The following NLGN1 variants were observed in gnomAD, a reference collection of about 807,000 sequenced individuals.
The protein encoded by NLGN1 is neuroligin-1.
In NLGN1, 12 loss-of-function variants were observed where a neutral mutation model predicts 65.5. The ratio of observed to expected loss-of-function variants is 0.18; its 90% CI spans 0.12 to 0.30. The LOEUF is 0.30. Ranked by LOEUF, NLGN1 falls within the 10% of genes least tolerant of loss-of-function variation. NLGN1 has a pLI of 1.00. For synonymous variants in NLGN1, 350 were observed against 359.5 expected, an observed-to-expected ratio of 0.97 and a Z score of 0.30; for missense variants, 750 against 1,007.1, an observed-to-expected ratio of 0.74 and a Z score of 3.46.
intron 2 of NLGN1, among the ~76,000 whole-genome samples, chr3:173,512,528 C>T (rs1012179729): frequency 1.3e-5 from 2 of 152,152 alleles, no homozygotes; most frequent in Non-Finnish European, 2.9e-5. Context: ...CTAACCTCTG[C>T]CGGCTGAGTC....
chr3:174,272,045 T>C (rs1749498608), intron 4 of NLGN1, among the ~76,000 whole-genome samples: 1 of 151,708 alleles, frequency 6.6e-6, no homozygotes, highest in Non-Finnish European at 1.5e-5. Flanking sequence ...TATGTCAATG[T>C]GTTACAATAA....
chr3:173,792,747 G>A (rs1443513395), intron 3 of NLGN1, among the ~76,000 whole-genome samples: 1 of 152,062 alleles, frequency 6.6e-6, no homozygotes, highest in Non-Finnish European at 1.5e-5. Context: ...ATAGGAATAA[G>A]GAAATAGTAA....
At chr3:173,887,776 A>G (rs1351323447) in intron 4 of NLGN1, among the ~76,000 whole-genome samples, 5 of 151,990 alleles carry the variant, frequency 3.3e-5, no homozygotes, top group Non-Finnish European at 5.9e-5. Flanking sequence ...GATCTTTTCA[A>G]GCATTATCAT....
At chr3:173,488,312 C>A (rs1308017345) in intron 2 of NLGN1, among the ~76,000 whole-genome samples, 1 of 150,998 alleles carries the variant, frequency 6.6e-6, no homozygotes, top group African/African-American at 2.4e-5. Context: ...CTAAAACATA[C>A]TCTTTGTTCA....
At chr3:174,179,179 T>C (rs1729947761) in intron 4 of NLGN1, among the ~76,000 whole-genome samples, 1 of 152,148 alleles carries the variant, frequency 6.6e-6, no homozygotes, top group Non-Finnish European at 1.5e-5. Context: ...AATAGAATAC[T>C]ATTTTAAACT....
chr3:173,705,068 T>C (rs1767845044), intron 3 of NLGN1, among the ~76,000 whole-genome samples: 1 of 152,156 alleles, frequency 6.6e-6, no homozygotes, highest in Non-Finnish European at 1.5e-5. Flanking sequence ...CAATGTCAAA[T>C]ATTATCACTC....
chr3:173,532,524 C>A (rs894750534), intron 2 of NLGN1, among the ~76,000 whole-genome samples: 1 of 152,100 alleles, frequency 6.6e-6, no homozygotes, highest in African/African-American at 2.4e-5. Context: ...AGCCACTTGT[C>A]TTACTTGTAT....
At chr3:173,957,827 GGCTCCTTCT>G (rs998269800) in intron 4 of NLGN1, among the ~76,000 whole-genome samples, 5 of 152,144 alleles carry the variant, frequency 3.3e-5, no homozygotes, top group Non-Finnish European at 7.3e-5. Context: ...GGGCCTGCTG[GGCTCCTTCT>G]GCCCACTCAG....
At chr3:173,916,205 C>T (rs570145944) in intron 4 of NLGN1, among the ~76,000 whole-genome samples, 12 of 152,218 alleles carry the variant, frequency 7.9e-5, no homozygotes, top group African/African-American at 1.4e-4. Context: ...TGATATCTTA[C>T]GATGATCATC....
At chr3:173,860,683 A>C (rs1195838780) in intron 4 of NLGN1, among the ~76,000 whole-genome samples, 1 of 152,176 alleles carries the variant, frequency 6.6e-6, no homozygotes, top group African/African-American at 2.4e-5. Context: ...GGAAGTTTGG[A>C]TCCAACCCTC....
chr3:173,657,513 T>C (rs1760244263), intron 3 of NLGN1, among the ~76,000 whole-genome samples: 1 of 151,960 alleles, frequency 6.6e-6, no homozygotes, highest in Non-Finnish European at 1.5e-5. Context: ...TTATTTGCAG[T>C]CATTTTAAGG....
At chr3:173,805,763 TA>T (rs1484385216) in intron 3 of NLGN1, among the ~76,000 whole-genome samples, 1 of 152,198 alleles carries the variant, frequency 6.6e-6, no homozygotes, top group Non-Finnish European at 1.5e-5. Context: ...GATTTCAGTT[TA>T]ATAATTTATT....
At chr3:173,712,332 A>G (rs1769119983) in intron 3 of NLGN1, among the ~76,000 whole-genome samples, 1 of 152,170 alleles carries the variant, frequency 6.6e-6, no homozygotes, top group Non-Finnish European at 1.5e-5. Context: ...TAGAAAGGGG[A>G]TTTAAATCCA....
chr3:173,993,671 G>GATAT (rs1490063614), intron 4 of NLGN1, among the ~76,000 whole-genome samples: 13 of 151,758 alleles, frequency 8.6e-5, no homozygotes, highest in African/African-American at 3.2e-4. Flanking sequence ...TAGATAGATA[G>GATAT]ATAGATAGAT....
intron 2 of NLGN1, among the ~76,000 whole-genome samples, chr3:173,445,335 T>G (rs1720062802): frequency 6.6e-6 from 1 of 151,160 alleles, no homozygotes; most frequent in Non-Finnish European, 1.5e-5. Context: ...TTCCTGTCAG[T>G]TGGTGTCTTT....
intron 2 of NLGN1, among the ~76,000 whole-genome samples, chr3:173,504,646 C>G (rs892349582): frequency 1.3e-5 from 2 of 152,086 alleles, no homozygotes; most frequent in African/African-American, 4.8e-5. Context: ...CCTCTTTTCT[C>G]TTTCACCCTT....
chr3:174,231,278 G>A (rs185405769), intron 4 of NLGN1, among the ~76,000 whole-genome samples: 74 of 152,276 alleles, frequency 4.9e-4, no homozygotes, highest in Admixed American at 1.4e-3. Flanking sequence ...CAGGAAATTC[G>A]CCGAGACTCC....
At chr3:174,137,444 G>A (rs896003954) in intron 4 of NLGN1, among the ~76,000 whole-genome samples, 1 of 152,034 alleles carries the variant, frequency 6.6e-6, no homozygotes, top group African/African-American at 2.4e-5. Flanking sequence ...TAATTAACTA[G>A]CCATATGACC....
chr3:173,767,413 T>A (rs1256835420), intron 3 of NLGN1, among the ~76,000 whole-genome samples: 1 of 152,028 alleles, frequency 6.6e-6, no homozygotes, highest in Non-Finnish European at 1.5e-5. Context: ...TTTTATTATA[T>A]GTAGAGGATA....
Sources: gnomAD v4.1 joint callset for allele counts (sites outside exome capture counted in the v4.1 genomes callset) on GRCh38, gnomAD v4.1.1 for gene constraint, MANE v1.5 for transcripts, NCBI Gene and HGNC (gene_info 2026-07-23, HGNC 2026-07-21) for gene names.